PDP2: variants seen among roughly 807,000 people sequenced by gnomAD.
The protein encoded by PDP2 is [Pyruvate dehydrogenase [acetyl-transferring]]-phosphatase 2, mitochondrial.
A neutral mutation model predicts 34.2 loss-of-function variants in PDP2; 23 were observed. That is an observed-to-expected ratio of 0.67 (90% CI 0.48 to 0.95). The LOEUF (loss-of-function observed/expected upper bound fraction) is 0.95, where lower values mean the gene tolerates loss of function less well. Ranked by LOEUF, PDP2 falls within the 40% of genes least tolerant of loss-of-function variation. PDP2 has a pLI of 0.00. For synonymous variants in PDP2, 275 were observed against 269.2 expected (o/e 1.02, Z -0.21); for missense variants, 571 against 659.6 (o/e 0.87, Z 1.47).
At chr16:66,882,846 G>A (rs532187277) in intron 1 of PDP2, among the ~76,000 whole-genome samples, 4 of 152,310 alleles carry the variant, frequency 2.6e-5, no homozygotes, top group African/African-American at 9.6e-5. Flanking sequence ...TAGTTTTTGA[G>A]ACAGGGTCTT....
At position 66,884,854 on chromosome 16, in the gene PDP2, C is replaced by T. The variant is rs749962618; in HGVS notation, c.570C>T (p.Leu190=). The T allele has an allele frequency of 1.9e-6, 3 of 1,613,982 alleles. No homozygotes were observed. Among genetic ancestry groups the T allele is most frequent in the East Asian group, 2.2e-5 (1 of 44,872 alleles). ...MKPLLPILHW[L]KHPGDSIYKD... ...CCTTGCTGCCCATCCTGCATTGGCT[C>T]AAGCACCCAGGGGACAGTATCTACA... Residue 190 remains leucine (L), a synonymous_variant, in exon 2 of 2, where the codon CTC becomes CTT. Coordinates refer to ENST00000311765, the MANE Select transcript of PDP2 (RefSeq NM_020786.4).
chr16:66,886,675 T>C lies in PDP2; in HGVS notation c.*801T>C, dbSNP rs1961778536. The C allele has an allele frequency of 3.1e-6, 1 of 322,846 alleles. No homozygotes were observed. The highest frequency in any genetic ancestry group is 3.6e-5 in the Admixed American group (1 of 27,402). The allele number at this position is 322,846 out of a possible 1,614,324, so 20.0% of individuals were successfully genotyped here. A position where few individuals can be genotyped will look rare whatever the true frequency, so the allele number is the denominator to read the frequency against. On this transcript the variant is annotated 3_prime_UTR_variant, in exon 2 of 2. Coordinates refer to ENST00000311765, the MANE Select transcript of PDP2 (RefSeq NM_020786.4). ...CTAGTCTATGCCTTAACTCCTGACCTTTCCTGCATTAGTAAAATTTCCTCC... is the reference window on the plus strand; with the variant it reads ...CTAGTCTATGCCTTAACTCCTGACCCTTCCTGCATTAGTAAAATTTCCTCC...
Position 66,887,615 on chromosome 16 carries a change from C to A in PDP2, c.*1741C>A, listed in dbSNP as rs1364248892. The A allele has an allele frequency of 1.2e-5, 2 of 167,066 alleles. No individual in the cohort carries two copies. Among genetic ancestry groups the A allele is most frequent in the Non-Finnish European group, 1.5e-5 (1 of 68,110 alleles). 10.3% of individuals were successfully genotyped at this position (167,066 alleles called of 1,614,324 possible). On this transcript the variant is annotated 3_prime_UTR_variant, in exon 2 of 2. Coordinates refer to ENST00000311765, the MANE Select transcript of PDP2 (RefSeq NM_020786.4). ...CATGTGTTTTCATCTAAGAAATTAT[C>A]TTTTGAATATTTAAGCCTTGATCCT...
chr16:66,889,106 G>A lies in PDP2; in HGVS notation c.*3232G>A, dbSNP rs1450506777. The A allele has an allele frequency of 1.3e-5, 2 of 152,142 alleles. No homozygotes were observed. The highest frequency in any genetic ancestry group is 2.9e-5 in the Non-Finnish European group (2 of 68,036). The allele number at this position is 152,142 out of a possible 1,614,324, so 9.4% of individuals were successfully genotyped here. On this transcript the variant is annotated 3_prime_UTR_variant, in exon 2 of 2. Transcript: ENST00000311765. ...ACTGGGATTTGAGAGGAGTTTAGTG[G>A]TAATTGTCAGGTCTTTCAAAGCATT...
intron 1 of PDP2, 41 bp from the exon 2 acceptor site, chr16:66,884,190 A>AG (rs1379793084): frequency 2.3e-5 from 29 of 1,238,702 alleles, no homozygotes; most frequent in South Asian, 1.6e-4. Flanking sequence ...AAAAAAAAAA[A>AG]AAAGAAATTA....
At chr16:66,880,870 G>A (rs1349098122) in intron 1 of PDP2, 1 of 152,302 alleles carries the variant, frequency 6.6e-6, no homozygotes, top group Non-Finnish European at 1.5e-5. Flanking sequence ...GTGGGCCCGC[G>A]GGCTCGCCGA....
rs1469628408 is a variant in PDP2 at position 66,885,474 on chromosome 16, A to G, written c.1190A>G (p.Tyr397Cys). Residue 397 changes from tyrosine (Y) to cysteine (C), a missense_variant, in exon 2 of 2, where the codon TAC becomes TGC. By Grantham distance (194) the Tyr-to-Cys change is radical. This residue lies in a region of PDP2 where 281 missense variants were observed against 375.8 expected (regional missense o/e 0.75). Transcript: ENST00000311765. The surrounding 1 kb of genome is among the most constrained non-coding windows in gnomAD (Gnocchi z 4.6). Reference protein sequence around the residue: ...PYLTAEPEVTYHRLRPQDKFL... With the variant: ...PYLTAEPEVTCHRLRPQDKFL... ...CTGACTGCTGAGCCTGAGGTCACAT[A>G]CCACAGGCTGAGGCCCCAGGATAAG... 5.6e-6 allele frequency: 9 copies of G among 1,613,924 alleles called. No homozygotes were observed. In the Admixed American group the frequency reaches 1.5e-4, roughly 27 times the overall value.
At position 66,887,994 on chromosome 16, in the gene PDP2, C is replaced by CG. The variant is rs1474744948; in HGVS notation, c.*2120_*2121insG. ...AATCCATCTTATCTCTTAGTCCGTC[C>CG]TTCCTTCCTTCCTTCCTTCCTTCCT... On this transcript the variant is annotated 3_prime_UTR_variant, in exon 2 of 2. Transcript: ENST00000311765. 86 of 7,106 alleles carry CG rather than the reference C, an allele frequency of 0.012. No individual in the cohort carries two copies. The highest frequency in any genetic ancestry group is 0.043 in the African/African-American group (39 of 906). The allele number at this position is 7,106 out of a possible 1,614,324, so 0.4% of individuals were successfully genotyped here. A position where few individuals can be genotyped will look rare whatever the true frequency, so the allele number is the denominator to read the frequency against.
In PDP2 at chr16:66,885,556, A is replaced by G. The variant is rs375298207; in HGVS notation, c.1272A>G (p.Val424=). ...LWDMLSNEDV[V]RLVVGHLAEA... ...ACATGCTGAGCAATGAGGACGTGGT[A>G]AGGCTGGTGGTGGGGCACCTGGCTG... Residue 424 remains valine, a synonymous_variant, in exon 2 of 2, where the codon GTA becomes GTG. Coordinates refer to ENST00000311765, the MANE Select transcript of PDP2 (RefSeq NM_020786.4). The surrounding 1 kb of genome is among the most constrained non-coding windows in gnomAD (Gnocchi z 4.6). 23 of 1,613,966 alleles carry G rather than the reference A, an allele frequency of 1.4e-5. No individual in the cohort carries two copies. Among genetic ancestry groups the G allele is most frequent in the Non-Finnish European group, 1.9e-5 (23 of 1,180,034 alleles).
rs1176939045 is a variant in PDP2 at position 66,887,208 on chromosome 16, T to C, written c.*1334T>C. 1.8e-5 allele frequency: 3 copies of C among 166,614 alleles called. No homozygotes were observed. Among genetic ancestry groups the C allele is most frequent in the African/African-American group, 7.2e-5 (3 of 41,440 alleles). The allele number at this position is 166,614 out of a possible 1,614,324, so 10.3% of individuals were successfully genotyped here. On this transcript the variant is annotated 3_prime_UTR_variant, in exon 2 of 2. Coordinates refer to ENST00000311765, the MANE Select transcript of PDP2 (RefSeq NM_020786.4). ...AAAATAAAAGTGTAATTTGTAATGGTTTCTGTGGGCTGTAGACTCTTTGTA... is the reference window on the plus strand; with the variant it reads ...AAAATAAAAGTGTAATTTGTAATGGCTTCTGTGGGCTGTAGACTCTTTGTA...
chr16:66,881,191 C>G (rs1352225877), intron 1 of PDP2, among the ~76,000 whole-genome samples: 3 of 152,128 alleles, frequency 2.0e-5, no homozygotes, highest in Non-Finnish European at 4.4e-5. Context: ...GTGTATCACC[C>G]TGCACCGCTG....
chr16:66,881,323 C>A (rs1961506128), intron 1 of PDP2, among the ~76,000 whole-genome samples: 1 of 151,012 alleles, frequency 6.6e-6, no homozygotes. Context: ...GTCCTCAGTC[C>A]TGGGAACTCT....
At position 66,885,230 on chromosome 16, in the gene PDP2, G is replaced by A. The variant is rs776121098; in HGVS notation, c.946G>A (p.Glu316Lys). 29 of 1,613,966 alleles carry A rather than the reference G, an allele frequency of 1.8e-5. No individual in the cohort carries two copies. Among genetic ancestry groups the A allele is most frequent in the South Asian group, 9.9e-5 (9 of 91,086 alleles). The change falls in exon 2 of 2, where the codon GAG becomes AAG. Residue 316 changes from glutamate to lysine, a missense_variant. Physicochemically the swap from Glu to Lys is moderately conservative, Grantham distance 56. Coordinates refer to ENST00000311765, the MANE Select transcript of PDP2 (RefSeq NM_020786.4). This position sits in a 1 kb window ranked among gnomAD's most constrained non-coding sequence, Gnocchi z 4.6. ...TGACCACAATGCCTGGAACCAGGCC[G>A]AGCTGTCCCGGCTAAAGAGGGAGCA... Reference protein sequence around the residue: ...TRDHNAWNQAELSRLKREHPE... With the variant: ...TRDHNAWNQAKLSRLKREHPE...
chr16:66,885,205 T>G lies in PDP2; in HGVS notation c.921T>G (p.Arg307=), dbSNP rs1961703324. The G allele has an allele frequency of 1.2e-6, 2 of 1,614,050 alleles. No homozygotes were observed. The highest frequency in any genetic ancestry group is 1.7e-6 in the Non-Finnish European group (2 of 1,180,036). ...NGMWSCLPLT[R]DHNAWNQAEL... Reference sequence around the variant, plus strand: ...TGTGGTCTTGTCTGCCCCTTACACGTGACCACAATGCCTGGAACCAGGCCG... The same window carrying G: ...TGTGGTCTTGTCTGCCCCTTACACGGGACCACAATGCCTGGAACCAGGCCG... Residue 307 remains arginine, a synonymous_variant, in exon 2 of 2, where the codon CGT becomes CGG. Transcript: ENST00000311765. The surrounding 1 kb of genome is among the most constrained non-coding windows in gnomAD (Gnocchi z 4.6).
Position 66,885,653 on chromosome 16 carries a change from C to G in PDP2, c.1369C>G (p.Gln457Glu), listed in dbSNP as rs373445113. ...NLGLMQSLLL[Q>E]RKASGLHEAD... The stretch of plus-strand genomic sequence containing the variant: ...GGGGCTCATGCAGAGCCTGCTGCTG[C>G]AGAGGAAAGCCAGCGGGCTCCACGA... The change falls in exon 2 of 2, where the codon CAG (glutamine) becomes GAG (glutamate). Residue 457 changes from glutamine (Q) to glutamate (E), a missense_variant. This residue lies in a region of PDP2 where 281 missense variants were observed against 375.8 expected (regional missense o/e 0.75). Coordinates refer to ENST00000311765, the MANE Select transcript of PDP2 (RefSeq NM_020786.4). This position sits in a 1 kb window ranked among gnomAD's most constrained non-coding sequence, Gnocchi z 4.6. 1.2e-6 allele frequency: 2 copies of G among 1,614,048 alleles called. No individual in the cohort carries two copies. Among genetic ancestry groups the G allele is most frequent in the Non-Finnish European group, 1.7e-6 (2 of 1,180,014 alleles).
chr16:66,882,584 A>G (rs903516695), intron 1 of PDP2, among the ~76,000 whole-genome samples: 2 of 152,072 alleles, frequency 1.3e-5, no homozygotes, highest in Non-Finnish European at 1.5e-5. Flanking sequence ...TTCTAAGACT[A>G]ATATTCCCAT....
rs2145427053 is a variant in PDP2, at chr16:66,889,973, A to G, written c.*4099A>G. 6.9e-6 allele frequency: 1 copy of G among 145,742 alleles called. No homozygotes were observed. The highest frequency in any genetic ancestry group is 2.0e-4 in the East Asian group (1 of 5,062). 9.0% of individuals were successfully genotyped at this position (145,742 alleles called of 1,614,324 possible). ...AGACTGTGTCTAAAAAAAAAGTTTGAATTAAAAAAAAAAAAAAAAAAGTCG... is the reference window on the plus strand; with the variant it reads ...AGACTGTGTCTAAAAAAAAAGTTTGGATTAAAAAAAAAAAAAAAAAAGTCG... On this transcript the variant is annotated 3_prime_UTR_variant, in exon 2 of 2. Coordinates refer to ENST00000311765, the MANE Select transcript of PDP2 (RefSeq NM_020786.4).
rs1386954655 is a variant in PDP2, at chr16:66,887,319, G to A, written c.*1445G>A. Reference sequence around the variant, plus strand: ...CTGTGGCATTTAAACAACAGGAAATGTGTCCCTAAATGGAAACAAATATAA... The same window carrying A: ...CTGTGGCATTTAAACAACAGGAAATATGTCCCTAAATGGAAACAAATATAA... On this transcript the variant is annotated 3_prime_UTR_variant, in exon 2 of 2. Coordinates refer to ENST00000311765, the MANE Select transcript of PDP2 (RefSeq NM_020786.4). The A allele has an allele frequency of 6.0e-6, 1 of 166,500 alleles. No individual in the cohort carries two copies. Among genetic ancestry groups the A allele is most frequent in the Non-Finnish European group, 1.5e-5 (1 of 68,112 alleles). 10.3% of individuals were successfully genotyped at this position (166,500 alleles called of 1,614,324 possible).
Position 66,884,474 on chromosome 16 carries a change from A to G in PDP2, c.190A>G (p.Arg64Gly). The change falls in exon 2 of 2, where the codon AGA becomes GGA. Residue 64 changes from arginine to glycine, a missense_variant. Around this residue, in one of 2 missense-constraint regions of PDP2, gnomAD observed 290 missense variants for 283.8 expected, o/e 1.02. Coordinates refer to ENST00000311765, the MANE Select transcript of PDP2 (RefSeq NM_020786.4). ...TGGCTTTACTCTGTGCAAAGCCTAC[A>G]GACACACATCAACAGAGGAAGATGA... is the stretch of plus-strand genomic sequence containing the variant. ...CGGFTLCKAYRHTSTEEDDFH... is the reference protein window; with the variant it reads ...CGGFTLCKAYGHTSTEEDDFH... The G allele has an allele frequency of 6.2e-7, 1 of 1,614,224 alleles. No homozygotes were observed. Among genetic ancestry groups the G allele is most frequent in the Non-Finnish European group, 8.5e-7 (1 of 1,180,026 alleles).
Sources: gnomAD v4.1 joint callset for allele counts (sites outside exome capture counted in the v4.1 genomes callset) on GRCh38, gnomAD v4.1.1 for gene constraint, gnomAD v4.1.1 regional missense constraint, Gnocchi (gnomAD v3.1) non-coding constraint, MANE v1.5 for transcripts, NCBI Gene and HGNC (gene_info 2026-07-23, HGNC 2026-07-21) for gene names.